Variants in AKAP19 observed in about 807,000 individuals in gnomAD.
The protein encoded by AKAP19 is A-kinase anchoring protein 19, also known as small A-kinase anchoring protein.
chr2:189,961,365 T>A, the AKAP19 span, among the ~76,000 whole-genome samples: 1 of 152,200 alleles, frequency 6.6e-6, no homozygotes, highest in Non-Finnish European at 1.5e-5. Context: ...TACACTGGCT[T>A]CACAGCATAG....
At chr2:189,993,797 A>C in the AKAP19 span, among the ~76,000 whole-genome samples, 103 of 152,190 alleles carry the variant, frequency 6.8e-4, 1 homozygote, top group East Asian at 0.013. Context: ...GTGCACATAA[A>C]GGTGTTCATA....
the AKAP19 span, among the ~76,000 whole-genome samples, chr2:190,005,029 G>C: frequency 6.6e-6 from 1 of 152,170 alleles, no homozygotes; most frequent in South Asian, 2.1e-4. Flanking sequence ...CCAGAAGTGT[G>C]TTCCTTCATA....
chr2:190,175,000 T>TACATAGAGTACATAGAG, the AKAP19 span, among the ~76,000 whole-genome samples: 1 of 65,178 alleles, frequency 1.5e-5, no homozygotes, highest in African/African-American at 3.2e-5. Context: ...GATACATAGA[T>TACATAGAGTACATAGAG]TACATGGAGT....
the AKAP19 span, among the ~76,000 whole-genome samples, chr2:190,151,328 C>T: frequency 9.4e-4 from 143 of 152,208 alleles, 2 homozygotes; most frequent in Admixed American, 2.1e-3. Context: ...TGTTAAGCTC[C>T]GCATGCGTTA....
chr2:189,913,160 C>T, the AKAP19 span, among the ~76,000 whole-genome samples: 1 of 152,040 alleles, frequency 6.6e-6, no homozygotes, highest in Admixed American at 6.6e-5. Context: ...ACTTCTTTTT[C>T]TAAACCTAAT....
At chr2:190,193,364 G>C in the AKAP19 span, among the ~76,000 whole-genome samples, 1 of 152,080 alleles carries the variant, frequency 6.6e-6, no homozygotes, top group African/African-American at 2.4e-5. Flanking sequence ...CTATGTTCAT[G>C]AGGGATATTG....
chr2:190,056,106 C>T, the AKAP19 span: 2 of 152,082 alleles, frequency 1.3e-5, no homozygotes, highest in Non-Finnish European at 2.9e-5. Flanking sequence ...GTAATATAAC[C>T]ATCTAATCAT....
At chr2:189,998,540 AT>A in the AKAP19 span, among the ~76,000 whole-genome samples, 1 of 152,182 alleles carries the variant, frequency 6.6e-6, no homozygotes, top group African/African-American at 2.4e-5. Context: ...TGTCTAACTC[AT>A]TGGTATAAAG....
the AKAP19 span, among the ~76,000 whole-genome samples, chr2:190,158,467 A>G: frequency 6.6e-6 from 1 of 152,234 alleles, no homozygotes; most frequent in Admixed American, 6.5e-5. Context: ...TGTTTCACCT[A>G]TTGAATAGGA....
At chr2:190,170,727 C>T in the AKAP19 span, among the ~76,000 whole-genome samples, 2 of 152,078 alleles carry the variant, frequency 1.3e-5, no homozygotes, top group Non-Finnish European at 2.9e-5. Context: ...TAATTGTTCA[C>T]ATGTAATCTC....
chr2:190,057,216 A>G, the AKAP19 span: 11 of 1,610,814 alleles, frequency 6.8e-6, no homozygotes, highest in South Asian at 5.5e-5. Context: ...TGAGGGGAAA[A>G]CCTTCCATGT....
the AKAP19 span, among the ~76,000 whole-genome samples, chr2:190,028,422 A>C: frequency 6.6e-6 from 1 of 152,198 alleles, no homozygotes; most frequent in African/African-American, 2.4e-5. Context: ...TTTTCAAATG[A>C]ATTGGTTTGA....
chr2:189,900,388 C>T, the AKAP19 span, among the ~76,000 whole-genome samples: 3 of 151,932 alleles, frequency 2.0e-5, no homozygotes, highest in East Asian at 1.9e-4. Context: ...CACATGTATT[C>T]CCCCCCAAAA....
chr2:190,073,983 A>T, the AKAP19 span, among the ~76,000 whole-genome samples: 1 of 151,652 alleles, frequency 6.6e-6, no homozygotes, highest in African/African-American at 2.4e-5. Context: ...CGGAGGTTAC[A>T]GTGAGCCGAG....
the AKAP19 span, among the ~76,000 whole-genome samples, chr2:190,019,724 C>T: frequency 6.6e-6 from 1 of 152,086 alleles, no homozygotes; most frequent in Non-Finnish European, 1.5e-5. Context: ...GGATATTTGC[C>T]TCTAGTTCTC....
chr2:189,930,614 TGCA>T, the AKAP19 span: 43 of 297,326 alleles, frequency 1.4e-4, no homozygotes, highest in East Asian at 3.5e-3. Flanking sequence ...AGGCAGAGGT[TGCA>T]GTCAGCCAAG....
the AKAP19 span, chr2:190,199,882 C>G: frequency 1.2e-6 from 2 of 1,613,800 alleles, no homozygotes; most frequent in Non-Finnish European, 1.7e-6. Flanking sequence ...GAAATCAAAG[C>G]AAACTTTCCC....
chr2:190,026,546 T>C, the AKAP19 span, among the ~76,000 whole-genome samples: 1 of 152,352 alleles, frequency 6.6e-6, no homozygotes, highest in Admixed American at 6.5e-5. Context: ...ATTGTCCTTA[T>C]AAGAGCTGGA....
At chr2:190,032,430 C>T in the AKAP19 span, among the ~76,000 whole-genome samples, 1 of 152,254 alleles carries the variant, frequency 6.6e-6, no homozygotes, top group African/African-American at 2.4e-5. Context: ...CGTGTGTAAA[C>T]TGAAGTGGTG....
Sources: allele counts gnomAD v4.1 joint callset (sites outside exome capture counted in the v4.1 genomes callset), GRCh38; gene constraint gnomAD v4.1.1; transcripts MANE v1.5; gene names NCBI Gene and HGNC (gene_info 2026-07-23, HGNC 2026-07-21).